IGSF21: variants seen among roughly 807,000 people sequenced by gnomAD.
IGSF21 encodes immunoglobulin superfamily member 21.
Under a neutral mutation model 46.8 loss-of-function variants are expected in IGSF21, and 28 were observed. The observed-to-expected ratio is 0.60, with a 90% CI of 0.44 to 0.82. The LOEUF (loss-of-function observed/expected upper bound fraction) is 0.82, where lower values mean the gene tolerates loss of function less well. Ranked by LOEUF, IGSF21 falls within the 40% of genes least tolerant of loss-of-function variation. IGSF21 has a pLI of 0.00. For missense variants in IGSF21, 624 were observed against 665.5 expected, an observed-to-expected ratio of 0.94 and a Z score of 0.69; for synonymous variants, 284 against 273.6, an observed-to-expected ratio of 1.04 and a Z score of -0.38.
chr1:18,217,181 G>T (rs778460513), intron 1 of IGSF21, among the ~76,000 whole-genome samples: 2 of 152,094 alleles, frequency 1.3e-5, no homozygotes, highest in Non-Finnish European at 2.9e-5. Context: ...GTTCTCTTAG[G>T]AGATAAGGGT....
rs540555775 is a variant in IGSF21, at chr1:18,378,265, G to A, written c.1343G>A (p.Gly448Asp). 1.2e-6 allele frequency: 2 copies of A among 1,613,962 alleles called. No individual in the cohort carries two copies. The highest frequency in any genetic ancestry group is 2.2e-5 in the South Asian group (2 of 91,060). ...RGTEDSNGSIGPTGARLTLVL... is the reference protein window; with the variant it reads ...RGTEDSNGSIDPTGARLTLVL... ...CTGATTCCTGGCACAGGTTCCATTG[G>A]CCCCACTGGTGCCCGGCTCACCTTG... Residue 448 changes from glycine (G) to aspartate (D), a missense_variant, in exon 10 of 10, where the codon GGC (glycine) becomes GAC (aspartate). Gly to Asp is a moderately conservative substitution (Grantham distance 94, BLOSUM62 -1). Transcript: ENST00000251296.
intron 1 of IGSF21, among the ~76,000 whole-genome samples, chr1:18,205,859 CTT>C (rs1467873782): frequency 6.6e-6 from 1 of 152,204 alleles, no homozygotes; most frequent in Non-Finnish European, 1.5e-5. Context: ...ATGATGATCT[CTT>C]TTAATGCTAT....
At position 18,220,563 on chromosome 1, in the gene IGSF21, T is replaced by C. The variant is rs1232088240; in HGVS notation, c.71-7335T>C. On this transcript the variant is annotated intron_variant, in intron 1 of 9. Coordinates refer to ENST00000251296, the MANE Select transcript of IGSF21 (RefSeq NM_032880.5). ...TGCTGTTCTAGGCACCTGGGGACCA[T>C]AGCAAATAGAAACAGTTCATGGCCT... Among the ~76,000 whole-genome samples the C allele has an allele frequency of 4.6e-5, 7 of 152,010 alleles. 1 individual carries two copies. Among genetic ancestry groups the C allele is most frequent in the Admixed American group, 3.3e-4 (5 of 15,270 alleles).
chr1:18,137,433 A>C (rs528680966), intron 1 of IGSF21, among the ~76,000 whole-genome samples: 33 of 152,270 alleles, frequency 2.2e-4, no homozygotes, highest in African/African-American at 7.9e-4. Flanking sequence ...TGTCTTCCTT[A>C]ATGCTCACCC....
chr1:18,212,697 C>G (rs2084404856), intron 1 of IGSF21, among the ~76,000 whole-genome samples: 1 of 152,182 alleles, frequency 6.6e-6, no homozygotes, highest in African/African-American at 2.4e-5. Context: ...GGCCCCTCTG[C>G]TCAACATGCC....
intron 1 of IGSF21, among the ~76,000 whole-genome samples, chr1:18,206,522 C>T (rs1172217562): frequency 6.7e-6 from 1 of 148,330 alleles, no homozygotes; most frequent in Non-Finnish European, 1.5e-5. Flanking sequence ...GCATTCTGGC[C>T]TAGGTAATAG....
chr1:18,209,641 T>TC (rs1265910092), intron 1 of IGSF21, among the ~76,000 whole-genome samples: 5 of 146,516 alleles, frequency 3.4e-5, no homozygotes, highest in African/African-American at 7.6e-5. Context: ...TTTTTTTTTT[T>TC]AGTAGAGACA....
At chr1:18,153,141 G>T (rs889719416) in intron 1 of IGSF21, among the ~76,000 whole-genome samples, 1 of 152,134 alleles carries the variant, frequency 6.6e-6, no homozygotes, top group Non-Finnish European at 1.5e-5. Flanking sequence ...GTCCTGAAAG[G>T]AGAAGGTTTG....
In IGSF21 at chr1:18,107,867, G is replaced by A. The variant is rs977840026; in HGVS notation, c.-262G>A. 1 of 165,206 alleles carries A rather than the reference G, an allele frequency of 6.1e-6. No individual in the cohort carries two copies. The highest frequency in any genetic ancestry group is 2.4e-5 in the African/African-American group (1 of 41,522). The allele number at this position is 165,206 out of a possible 1,614,324, so 10.2% of individuals were successfully genotyped here. ...CCGCGGTGGGCACCGCGCGCAGCTAGGGAGCCGAGAACCGCGGCGAGCCCC... is the reference window on the plus strand; with the variant it reads ...CCGCGGTGGGCACCGCGCGCAGCTAAGGAGCCGAGAACCGCGGCGAGCCCC... On this transcript the variant is annotated 5_prime_UTR_variant, in exon 1 of 10. Coordinates refer to ENST00000251296, the MANE Select transcript of IGSF21 (RefSeq NM_032880.5).
chr1:18,122,683 C>T (rs866858707), intron 1 of IGSF21, among the ~76,000 whole-genome samples: 9 of 149,672 alleles, frequency 6.0e-5, no homozygotes, highest in Middle Eastern at 3.5e-3. Context: ...TGCAGTGGCA[C>T]GGTCTCGGCT....
chr1:18,233,690 G>A (rs1379454168), intron 2 of IGSF21, among the ~76,000 whole-genome samples: 1 of 152,132 alleles, frequency 6.6e-6, no homozygotes, highest in Non-Finnish European at 1.5e-5. Flanking sequence ...AATAAGAGGG[G>A]AAGGTATTTG....
chr1:18,142,369 G>A (rs915520621), intron 1 of IGSF21, among the ~76,000 whole-genome samples: 1 of 152,176 alleles, frequency 6.6e-6, no homozygotes, highest in Non-Finnish European at 1.5e-5. Context: ...TAGAACTCAG[G>A]CCTCTCTGAC....
rs78853433 is a variant in IGSF21, at chr1:18,304,728, C to T, written c.305+12741C>T. On this transcript the variant is annotated intron_variant, in intron 3 of 9. Coordinates refer to ENST00000251296, the MANE Select transcript of IGSF21 (RefSeq NM_032880.5). Reference sequence around the variant, plus strand: ...ACACATACACACACACACACACACACATACACACACACACACACATTATCC... The same window carrying T: ...ACACATACACACACACACACACACATATACACACACACACACACATTATCC... Among the ~76,000 whole-genome samples, 381 of 52,360 alleles carry T rather than the reference C, an allele frequency of 7.3e-3. 4 individuals are homozygous for T. The highest frequency in any genetic ancestry group is 0.05 in the African/African-American group (363 of 7,230). The allele number at this position is 52,360 out of a possible 152,430, so 34.4% of individuals were successfully genotyped here.
rs370287336 is a variant in IGSF21 at position 18,303,303 on chromosome 1, A to G, written c.305+11316A>G. ...CTGTGCAGTGCAGATCTCAGACTCTATTTAGGGGGCTCAGGTGCAGCCCAG... is the reference window on the plus strand; with the variant it reads ...CTGTGCAGTGCAGATCTCAGACTCTGTTTAGGGGGCTCAGGTGCAGCCCAG... On this transcript the variant is annotated intron_variant, in intron 3 of 9. Transcript: ENST00000251296. Among the ~76,000 whole-genome samples the G allele has an allele frequency of 9.5e-4, 144 of 151,994 alleles. 2 individuals are homozygous for G. The South Asian group carries it at 0.022, about 23-fold the overall frequency.
At chr1:18,340,129 G>A (rs1450656104) in intron 4 of IGSF21, among the ~76,000 whole-genome samples, 1 of 152,206 alleles carries the variant, frequency 6.6e-6, no homozygotes, top group East Asian at 1.9e-4. Flanking sequence ...TCATTTGTGT[G>A]TTCATTCATT....
rs1170623643 is a variant in IGSF21 at position 18,109,417 on chromosome 1, A to T, written c.70+1219A>T. ...CAATAAGGTCTCGACCCCGAGCCCCACTGGATGATAGAGGTGGGCATCACC... is the reference window on the plus strand; with the variant it reads ...CAATAAGGTCTCGACCCCGAGCCCCTCTGGATGATAGAGGTGGGCATCACC... On this transcript the variant is annotated intron_variant, in intron 1 of 9. Transcript: ENST00000251296. This position sits in a 1 kb window ranked among gnomAD's most constrained non-coding sequence, Gnocchi z 4.8. The T allele has an allele frequency of 6.6e-6, 1 of 152,134 alleles. No homozygotes were observed. Among genetic ancestry groups the T allele is most frequent in the Non-Finnish European group, 1.5e-5 (1 of 68,042 alleles). The allele number at this position is 152,134 out of a possible 1,614,324, so 9.4% of individuals were successfully genotyped here. A position where few individuals can be genotyped will look rare whatever the true frequency, so the allele number is the denominator to read the frequency against.
intron 3 of IGSF21, among the ~76,000 whole-genome samples, chr1:18,292,373 G>C (rs1001087226): frequency 6.6e-6 from 1 of 152,258 alleles, no homozygotes; most frequent in African/African-American, 2.4e-5. Context: ...CGGCTTGGAA[G>C]CTCAAACACC....
chr1:18,307,048 G>A (rs2085433499), intron 3 of IGSF21, among the ~76,000 whole-genome samples: 1 of 152,172 alleles, frequency 6.6e-6, no homozygotes, highest in Non-Finnish European at 1.5e-5. Flanking sequence ...TGTGAGCTGG[G>A]CTGACACTCC....
intron 4 of IGSF21, among the ~76,000 whole-genome samples, chr1:18,354,812 G>T (rs985752674): frequency 1.3e-5 from 2 of 152,212 alleles, no homozygotes; most frequent in African/African-American, 2.4e-5. Context: ...AGAGAGGGGC[G>T]TGGGCCATTG....
Sources: allele counts gnomAD v4.1 joint callset (sites outside exome capture counted in the v4.1 genomes callset), GRCh38; gene constraint gnomAD v4.1.1; non-coding constraint Gnocchi (gnomAD v3.1); transcripts MANE v1.5; gene names NCBI Gene and HGNC (gene_info 2026-07-23, HGNC 2026-07-21).